Variants in GRHL3 observed in about 807,000 individuals in gnomAD.
GRHL3 encodes the protein grainyhead-like protein 3 homolog.
GRHL3 carries 20 observed loss-of-function variants against 70.3 expected under a neutral mutation model. That is an observed-to-expected ratio of 0.28 (90% CI 0.20 to 0.41). The LOEUF (loss-of-function observed/expected upper bound fraction) is 0.41. Among genes scored for constraint, GRHL3 ranks in the 10% least tolerant of loss-of-function variants. GRHL3 has a pLI of 1.00. For synonymous variants in GRHL3, 299 were observed against 299.9 expected, an observed-to-expected ratio of 1.00 and a Z score of 0.03; for missense variants, 637 against 762.3, an observed-to-expected ratio of 0.84 and a Z score of 1.94.
At chr1:24,358,718 T>G, downstream of GRHL3, 1 of 845,904 alleles carries the variant, frequency 1.2e-6, no homozygotes, top group East Asian at 2.5e-5. Flanking sequence ...TGGGGACCCC[T>G]GTGCCAGCCC....
chr1:24,326,172 G>T (rs1639380322), intron 1 of GRHL3, among the ~76,000 whole-genome samples: 1 of 152,202 alleles, frequency 6.6e-6, no homozygotes, highest in Admixed American at 6.5e-5. Flanking sequence ...TCCTTAGTGG[G>T]CTGGCTTTCC....
chr1:24,351,426 T>A (rs1640502922), intron 15 of GRHL3, among the ~76,000 whole-genome samples: 1 of 151,966 alleles, frequency 6.6e-6, no homozygotes, highest in African/African-American at 2.4e-5. Flanking sequence ...TGGTTTTAGC[T>A]GCATGCATGT....
intron 1 of GRHL3, 132 bp downstream of exon 1, chr1:24,319,700 A>C: frequency 1.3e-6 from 2 of 1,593,896 alleles, no homozygotes; most frequent in Non-Finnish European, 8.5e-7. Flanking sequence ...GAATGGGCTG[A>C]CGATCTTACT....
At position 24,328,755 on chromosome 1, in the gene GRHL3, C is replaced by T. The variant is rs537470342; in HGVS notation, c.18-2671C>T. Among the ~76,000 whole-genome samples the T allele has an allele frequency of 8.5e-5, 13 of 152,332 alleles. No homozygotes were observed. In the South Asian group the frequency reaches 2.7e-3, roughly 32 times the overall value. ...ACACAGTGATGGCTTGCATGAATTA[C>T]ACACTTGTTTTGTGCCAGTCAGAGT... On this transcript the variant is annotated intron_variant, in intron 1 of 15. Transcript: ENST00000361548.
intron 15 of GRHL3, among the ~76,000 whole-genome samples, chr1:24,361,786 G>A (rs1013727289): frequency 2.0e-5 from 3 of 152,124 alleles, no homozygotes; most frequent in Non-Finnish European, 2.9e-5. Flanking sequence ...ATGAAAGACC[G>A]GACCTGTACT....
At chr1:24,339,585 G>A in intron 7 of GRHL3, 83 bp from the exon 8 acceptor site, 1 of 915,442 alleles carries the variant, frequency 1.1e-6, no homozygotes. Flanking sequence ...GGCCGAGTGA[G>A]GCCCAGTTTT....
intron 4 of GRHL3, 115 bp from the exon 5 acceptor site, chr1:24,336,963 C>T (rs1639842256): frequency 2.4e-6 from 3 of 1,239,832 alleles, no homozygotes; most frequent in Admixed American, 1.9e-5. Context: ...TTGCCATGTA[C>T]TATTGTCCAA....
chr1:24,331,768 T>C (rs569514254), intron 2 of GRHL3, among the ~76,000 whole-genome samples, 156 bp downstream of exon 2: 20 of 152,182 alleles, frequency 1.3e-4, no homozygotes, highest in Non-Finnish European at 1.9e-4. Context: ...CCCTTTCCCA[T>C]GGCTAACCCC....
At position 24,354,821 on chromosome 1, in the gene GRHL3, C is replaced by G. The variant is rs1339340767; in HGVS notation, c.*333C>G. On this transcript the variant is annotated 3_prime_UTR_variant, in exon 16 of 16. Transcript: ENST00000361548. ...TTGTCTGCAGTGGTGCTCCTGCAGGCTGCCCGTTAAGATGGTGGCGGCACA... is the reference window on the plus strand; with the variant it reads ...TTGTCTGCAGTGGTGCTCCTGCAGGGTGCCCGTTAAGATGGTGGCGGCACA... 5.5e-6 allele frequency: 1 copy of G among 182,706 alleles called. No individual in the cohort carries two copies. 11.3% of individuals were successfully genotyped at this position (182,706 alleles called of 1,614,324 possible).
chr1:24,346,440 T>A, intron 12 of GRHL3, 113 bp from the exon 13 acceptor site: 1 of 679,504 alleles, frequency 1.5e-6, no homozygotes, highest in Middle Eastern at 2.5e-4. Flanking sequence ...CTGCTTTGCA[T>A]CCACCCTTGT....
At chr1:24,326,492 C>G (rs1557690911) in intron 1 of GRHL3, among the ~76,000 whole-genome samples, 1 of 150,592 alleles carries the variant, frequency 6.6e-6, no homozygotes, top group Non-Finnish European at 1.5e-5. Context: ...CCTCTTGTTT[C>G]TTTTTCTTCA....
At chr1:24,343,271 A>G in intron 11 of GRHL3, 1 of 477,526 alleles carries the variant, frequency 2.1e-6, no homozygotes, top group Non-Finnish European at 3.8e-6. Context: ...CTTAGGGCAC[A>G]CAAAGAGGAG....
chr1:24,337,372 T>C, intron 5 of GRHL3: 1 of 593,038 alleles, frequency 1.7e-6, no homozygotes, highest in East Asian at 2.8e-5. Context: ...GAGGTTCTTT[T>C]ATCCTTAGTT....
intron 2 of GRHL3, among the ~76,000 whole-genome samples, chr1:24,333,356 T>C (rs181910187): frequency 4.6e-5 from 7 of 152,336 alleles, no homozygotes; most frequent in African/African-American, 1.4e-4. Flanking sequence ...CCATTTCTTA[T>C]TGAATGTCCA....
chr1:24,362,093 T>TCCCCAGCTTC (rs1641160130), intron 15 of GRHL3, among the ~76,000 whole-genome samples: 1 of 152,102 alleles, frequency 6.6e-6, no homozygotes, highest in African/African-American at 2.4e-5. Context: ...AAGGGAGCCT[T>TCCCCAGCTTC]CCCCAGCTTC....
At chr1:24,359,597 C>G (rs1217993682), downstream of GRHL3, among the ~76,000 whole-genome samples, 1 of 152,168 alleles carries the variant, frequency 6.6e-6, no homozygotes, top group Non-Finnish European at 1.5e-5. The surrounding 1 kb of genome is among the most constrained non-coding windows in gnomAD (Gnocchi z 5.3). Flanking sequence ...CTGACGGCAT[C>G]TCCCCACCTG....
intron 12 of GRHL3, among the ~76,000 whole-genome samples, chr1:24,345,933 G>A (rs1319544204): frequency 6.6e-6 from 1 of 152,194 alleles, no homozygotes; most frequent in East Asian, 1.9e-4. Context: ...TTCACTTGGT[G>A]CTTTCACCCC....
At chr1:24,326,363 A>C (rs1195211598) in intron 1 of GRHL3, among the ~76,000 whole-genome samples, 74 of 109,824 alleles carry the variant, frequency 6.7e-4, no homozygotes, top group African/African-American at 9.1e-4. Flanking sequence ...CTTCTCCTCC[A>C]CCCCTCTTCT....
At chr1:24,351,942 C>T (rs1640529868) in intron 15 of GRHL3, among the ~76,000 whole-genome samples, 1 of 152,120 alleles carries the variant, frequency 6.6e-6, no homozygotes, top group Admixed American at 6.6e-5. Flanking sequence ...CTGGCAGAAG[C>T]ATCTTGGACT....
Sources: allele counts gnomAD v4.1 joint callset (sites outside exome capture counted in the v4.1 genomes callset), GRCh38; gene constraint gnomAD v4.1.1; non-coding constraint Gnocchi (gnomAD v3.1); transcripts MANE v1.5; gene names NCBI Gene and HGNC (gene_info 2026-07-23, HGNC 2026-07-21).